DAB2IP: variants seen among roughly 807,000 people sequenced by gnomAD.
DAB2IP encodes the protein DAB2 interacting protein.
Under a neutral mutation model 107.2 loss-of-function variants are expected in DAB2IP, and 28 were observed. The ratio of observed to expected loss-of-function variants is 0.26; its 90% CI spans 0.19 to 0.36. The LOEUF is 0.36. Among genes scored for constraint, DAB2IP ranks in the 10% least tolerant of loss-of-function variants. The probability of loss-of-function intolerance (pLI) is 1.00; values close to 1 mark genes in which losing one functional copy is unlikely to be tolerated. For missense variants in DAB2IP, 1,400 were observed against 1,644.7 expected (o/e 0.85, Z 2.57); for synonymous variants, 755 against 706.4 (o/e 1.07, Z -1.09).
chr9:121,685,336 AT>A (rs964886673), intron 2 of DAB2IP, among the ~76,000 whole-genome samples: 1 of 152,138 alleles, frequency 6.6e-6, no homozygotes, highest in African/African-American at 2.4e-5. Flanking sequence ...TGGGGCAAGG[AT>A]GTTCTTCGGG....
intron 3 of DAB2IP, among the ~76,000 whole-genome samples, chr9:121,721,845 G>A (rs180839890): frequency 8.3e-4 from 126 of 152,328 alleles, no homozygotes; most frequent in African/African-American, 2.8e-3. Context: ...CTGGACAGAG[G>A]GGTGGTGGTG....
intron 1 of DAB2IP, among the ~76,000 whole-genome samples, chr9:121,572,223 C>A (rs1829961140): frequency 6.6e-6 from 1 of 152,242 alleles, no homozygotes; most frequent in East Asian, 1.9e-4. Context: ...CCTACCAGGA[C>A]AGCTCCTGGT....
exon 4 of DAB2IP, chr9:121,757,061 G>C (rs377575300): frequency 1.1e-5 from 17 of 1,614,080 alleles, no homozygotes; most frequent in Non-Finnish European, 1.4e-5. Flanking sequence ...ACGAGTCCCT[G>C]CTCAGCCCCA....
chr9:121,612,901 G>C (rs976757386), intron 1 of DAB2IP, among the ~76,000 whole-genome samples: 1 of 152,236 alleles, frequency 6.6e-6, no homozygotes, highest in African/African-American at 2.4e-5. Context: ...CTCCATCGGA[G>C]TCTTGCAGCC....
chr9:121,583,595 G>T (rs1166733712), intron 1 of DAB2IP, among the ~76,000 whole-genome samples: 2 of 148,394 alleles, frequency 1.3e-5, no homozygotes, highest in Admixed American at 1.3e-4. Flanking sequence ...GCACAGGCTG[G>T]CTTTGCTGGC....
At chr9:121,724,633 GAACA>G (rs763805869) in intron 3 of DAB2IP, among the ~76,000 whole-genome samples, 12 of 152,214 alleles carry the variant, frequency 7.9e-5, no homozygotes, top group African/African-American at 1.4e-4. Context: ...GTTGGTGAAT[GAACA>G]AACAAACATT....
Position 121,702,117 on chromosome 9 carries a change from A to G in DAB2IP, c.362+2659A>G, listed in dbSNP as rs1289746368. 6.6e-6 allele frequency among the ~76,000 whole-genome samples: 1 copy of G among 152,060 alleles called. No homozygotes were observed. The highest frequency in any genetic ancestry group is 2.4e-5 in the African/African-American group (1 of 41,378). ...GCGGCCACTTGAGTTCTGACTTTGG[A>G]TGAATCTATCTGGTTTATATGGCTG... On this transcript the variant is annotated intron_variant, in intron 3 of 15. Coordinates refer to ENST00000408936, the Ensembl canonical transcript of DAB2IP. This position sits in a 1 kb window ranked among gnomAD's most constrained non-coding sequence, Gnocchi z 4.5.
chr9:121,776,136 C>A lies in DAB2IP; in HGVS notation c.3121-62C>A. On this transcript the variant is annotated intron_variant, in intron 13 of 15. Transcript: ENST00000408936. This position sits in a 1 kb window ranked among gnomAD's most constrained non-coding sequence, Gnocchi z 5.4. Reference sequence around the variant, plus strand: ...CCTCCTACCCTTCCTCCCACTCGGGCTGACGAAGCTGTGCTCTCTGTGTCC... The same window carrying A: ...CCTCCTACCCTTCCTCCCACTCGGGATGACGAAGCTGTGCTCTCTGTGTCC... 6.5e-7 allele frequency: 1 copy of A among 1,536,658 alleles called. No individual in the cohort carries two copies. Among genetic ancestry groups the A allele is most frequent in the Non-Finnish European group, 8.8e-7 (1 of 1,138,808 alleles).
intron 1 of DAB2IP, among the ~76,000 whole-genome samples, chr9:121,580,328 G>A (rs138513356): frequency 2.0e-5 from 3 of 152,350 alleles, no homozygotes; most frequent in African/African-American, 7.2e-5. Context: ...TGACATCCCA[G>A]GGTGGAGAGA....
intron 9 of DAB2IP, among the ~76,000 whole-genome samples, 168 bp downstream of exon 9, chr9:121,766,898 C>T (rs1365760338): frequency 6.6e-6 from 1 of 152,214 alleles, no homozygotes; most frequent in Non-Finnish European, 1.5e-5. Flanking sequence ...AATAAAATCT[C>T]CACACCCTGT....
chr9:121,578,480 C>A (rs1830115505), intron 1 of DAB2IP, among the ~76,000 whole-genome samples: 1 of 151,988 alleles, frequency 6.6e-6, no homozygotes, highest in African/African-American at 2.4e-5. Context: ...AGGCTCGAGC[C>A]CCCGACAGCT....
At chr9:121,693,543 G>A (rs944165287) in intron 2 of DAB2IP, among the ~76,000 whole-genome samples, 1 of 152,250 alleles carries the variant, frequency 6.6e-6, no homozygotes, top group Admixed American at 6.5e-5. Context: ...CTTCTCCAAG[G>A]CTCTCTCTTT....
At chr9:121,628,875 G>T (rs1017962722) in intron 1 of DAB2IP, among the ~76,000 whole-genome samples, 1 of 152,190 alleles carries the variant, frequency 6.6e-6, no homozygotes, top group African/African-American at 2.4e-5. Context: ...CCCTCTCTGA[G>T]CCTCAGTTAC....
chr9:121,763,427 C>A (rs1275011257), intron 6 of DAB2IP, 78 bp from the exon 7 acceptor site: 1 of 1,521,178 alleles, frequency 6.6e-7, no homozygotes, highest in Admixed American at 2.1e-5. Context: ...CAGGACTTCT[C>A]TGGCTAGGTC....
At chr9:121,727,462 G>A (rs549695049) in intron 3 of DAB2IP, among the ~76,000 whole-genome samples, 1 of 152,370 alleles carries the variant, frequency 6.6e-6, no homozygotes, top group East Asian at 1.9e-4. Flanking sequence ...GGCAGTGGGG[G>A]TGTGGCAAGG....
chr9:121,734,257 G>C (rs1207485522), intron 3 of DAB2IP, among the ~76,000 whole-genome samples: 2 of 149,302 alleles, frequency 1.3e-5, no homozygotes, highest in Non-Finnish European at 2.9e-5. Flanking sequence ...GGCGCCTGTA[G>C]TCCCAGCTAC....
chr9:121,591,414 A>T (rs1414387974), intron 1 of DAB2IP, among the ~76,000 whole-genome samples: 1 of 152,224 alleles, frequency 6.6e-6, no homozygotes, highest in Non-Finnish European at 1.5e-5. Flanking sequence ...GGTTGCAATG[A>T]GCCGAGATCG....
intron 1 of DAB2IP, among the ~76,000 whole-genome samples, chr9:121,626,836 A>G (rs1210615472): frequency 6.6e-6 from 1 of 151,966 alleles, no homozygotes; most frequent in Non-Finnish European, 1.5e-5. Flanking sequence ...ACTTTGGAGG[A>G]AAAGGTTCTC....
chr9:121,574,465 A>G (rs1210162170), intron 1 of DAB2IP, among the ~76,000 whole-genome samples: 1 of 152,160 alleles, frequency 6.6e-6, no homozygotes, highest in East Asian at 1.9e-4. Flanking sequence ...AGCCACATTC[A>G]TACCTGGAGC....
Sources: gnomAD v4.1 joint callset for allele counts (sites outside exome capture counted in the v4.1 genomes callset) on GRCh38, gnomAD v4.1.1 for gene constraint, Gnocchi (gnomAD v3.1) non-coding constraint, MANE v1.5 for transcripts, NCBI Gene and HGNC (gene_info 2026-07-23, HGNC 2026-07-21) for gene names.